SPHK2: variants seen among roughly 807,000 people sequenced by gnomAD.
SPHK2 encodes the protein sphingosine kinase 2.
SPHK2 carries 18 observed loss-of-function variants against 32.3 expected under a neutral mutation model. That is an observed-to-expected ratio of 0.56 (90% confidence interval 0.39 to 0.83). The LOEUF (loss-of-function observed/expected upper bound fraction) is 0.83. Among genes scored for constraint, SPHK2 ranks in the 40% least tolerant of loss-of-function variants. The probability of loss-of-function intolerance (pLI) is 0.00; values close to 1 mark genes in which losing one functional copy is unlikely to be tolerated. For synonymous variants in SPHK2, 462 were observed against 417.6 expected, an observed-to-expected ratio of 1.11 and a Z score of -1.30; for missense variants, 850 against 908.7, an observed-to-expected ratio of 0.94 and a Z score of 0.83.
chr19:48,626,070 CCTGCACATACAGCGGCTGCG>C lies in SPHK2; in HGVS notation c.221_240del (p.Leu74ProfsTer4). The C allele has an allele frequency of 6.2e-7, 1 of 1,613,230 alleles. No individual in the cohort carries two copies. Among genetic ancestry groups the C allele is most frequent in the Non-Finnish European group, 8.5e-7 (1 of 1,179,786 alleles). On this transcript the variant is annotated frameshift_variant, in exon 3 of 7. Coordinates refer to ENST00000245222, the MANE Select transcript of SPHK2 (RefSeq NM_020126.5). LOFTEE classifies it high-confidence loss of function. ...TTGCCCTCACCCTTACATCGCAGGCCCTGCACATACAGCGGCTGCGCCCCAAACCTGAAGCCAGGCCCCGG... is the reference window on the plus strand; with the variant it reads ...TTGCCCTCACCCTTACATCGCAGGCCCCCCAAACCTGAAGCCAGGCCCCGG...
intron 2 of SPHK2, 42 bp from the exon 3 acceptor site, chr19:48,625,848 TG>T: frequency 6.3e-7 from 1 of 1,595,240 alleles, no homozygotes. Context: ...GCCCCTGCCA[TG>T]GGGTCCTGAA....
In SPHK2 at chr19:48,629,834, AGCTAGGGGGTGTGGCCTG is replaced by A. The variant is rs552901962; in HGVS notation, c.*65_*82del. 1 of 1,500,744 alleles carries A rather than the reference AGCTAGGGGGTGTGGCCTG, an allele frequency of 6.7e-7. No homozygotes were observed. Among genetic ancestry groups the A allele is most frequent in the East Asian group, 2.3e-5 (1 of 43,030 alleles). 93.0% of individuals were successfully genotyped at this position (1,500,744 alleles called of 1,614,324 possible). A position where few individuals can be genotyped will look rare whatever the true frequency, so the allele number is the denominator to read the frequency against. On this transcript the variant is annotated 3_prime_UTR_variant, in exon 7 of 7. Transcript: ENST00000245222. ...CTACATTCCAATGGGGCGGAGCCTG[AGCTAGGGGGTGTGGCCTG>A]GCTGCTAGAGTTGTGGTGGCAGGGG...
rs753282111 is a variant in SPHK2 at position 48,629,812 on chromosome 19, C to T, written c.*39C>T. 7.9e-6 allele frequency: 12 copies of T among 1,525,428 alleles called. No homozygotes were observed. The highest frequency in any genetic ancestry group is 1.1e-5 in the Non-Finnish European group (12 of 1,135,348). 94.5% of individuals were successfully genotyped at this position (1,525,428 alleles called of 1,614,324 possible). A position where few individuals can be genotyped will look rare whatever the true frequency, so the allele number is the denominator to read the frequency against. ...TGGTACCCGCCGGGGGCGGGGCCTACATTCCAATGGGGCGGAGCCTGAGCT... is the reference window on the plus strand; with the variant it reads ...TGGTACCCGCCGGGGGCGGGGCCTATATTCCAATGGGGCGGAGCCTGAGCT... On this transcript the variant is annotated 3_prime_UTR_variant, in exon 7 of 7. Coordinates refer to ENST00000245222, the MANE Select transcript of SPHK2 (RefSeq NM_020126.5).
chr19:48,628,972 C>T lies in SPHK2; in HGVS notation c.1164C>T (p.Pro388=). ...CCGCCACTGTGGAACCTGCCTCGCC[C>T]ACCCCTGCCCATAGCCTGCCTCGTG... is the stretch of plus-strand genomic sequence containing the variant. ...YLPATVEPAS[P]TPAHSLPRAK... The change falls in exon 7 of 7, where the codon CCC becomes CCT. Residue 388 remains proline, a synonymous_variant. Transcript: ENST00000245222. The surrounding 1 kb of genome is among the most constrained non-coding windows in gnomAD (Gnocchi z 5.2). 6.2e-7 allele frequency: 1 copy of T among 1,613,804 alleles called. No individual in the cohort carries two copies.
chr19:48,623,680 T>C (rs1042898667), intron 2 of SPHK2: 1 of 152,254 alleles, frequency 6.6e-6, no homozygotes, highest in Admixed American at 6.5e-5. Flanking sequence ...GTTTATCTCA[T>C]GCCGCTTCCA....
Position 48,626,327 on chromosome 19 carries a change from G to A in SPHK2, c.476G>A (p.Cys159Tyr), listed in dbSNP as rs1974622776. The change falls in exon 3 of 7, where the codon TGT becomes TAT. Residue 159 changes from cysteine (C) to tyrosine (Y), a missense_variant. This residue lies in a region of SPHK2 where 544 missense variants were observed against 640.0 expected (regional missense o/e 0.85). Transcript: ENST00000245222. ...CAGCGCTGGGCCACTGCCCTCACCT[G>A]TCTGCTCCGAGGACTGCCACTGCCC... ...EAQRWATALT[C>Y]LLRGLPLPGD... is the part of the protein sequence containing the mutation. 6.3e-7 allele frequency: 1 copy of A among 1,594,882 alleles called. No homozygotes were observed.
intron 2 of SPHK2, chr19:48,625,520 C>G: frequency 8.0e-7 from 1 of 1,245,072 alleles, no homozygotes; most frequent in Non-Finnish European, 1.0e-6. Flanking sequence ...TATCATCACC[C>G]AACCACCTGT....
intron 2 of SPHK2, among the ~76,000 whole-genome samples, chr19:48,623,620 A>G (rs912582467): frequency 6.6e-6 from 1 of 151,714 alleles, no homozygotes; most frequent in African/African-American, 2.4e-5. Flanking sequence ...TACTGTCCCC[A>G]TCTCTCTGTC....
Position 48,629,907 on chromosome 19 carries a change from T to A in SPHK2, c.*134T>A. On this transcript the variant is annotated 3_prime_UTR_variant, in exon 7 of 7. Coordinates refer to ENST00000245222, the MANE Select transcript of SPHK2 (RefSeq NM_020126.5). ...GGCCCCGTCTCAGGATTGCGCTCGC[T>A]TTCATGGGACCAGACGTGATGCTGG... is the stretch of plus-strand genomic sequence containing the variant. The A allele has an allele frequency of 7.0e-7, 1 of 1,436,826 alleles. No homozygotes were observed. The highest frequency in any genetic ancestry group is 1.5e-5 in the South Asian group (1 of 66,050). The allele number at this position is 1,436,826 out of a possible 1,614,324, so 89.0% of individuals were successfully genotyped here. A position where few individuals can be genotyped will look rare whatever the true frequency, so the allele number is the denominator to read the frequency against.
At chr19:48,623,637 T>A (rs1343530996) in intron 2 of SPHK2, among the ~76,000 whole-genome samples, 1 of 152,220 alleles carries the variant, frequency 6.6e-6, no homozygotes. Context: ...TGTCTCTGTC[T>A]TGCCATGTGA....
chr19:48,620,577 G>A (rs747072250), intron 2 of SPHK2, 24 bp downstream of exon 2: 11 of 1,569,270 alleles, frequency 7.0e-6, no homozygotes, highest in Non-Finnish European at 8.7e-6. Flanking sequence ...TAAAAGCCAA[G>A]ATCCTCATAC....
intron 2 of SPHK2, among the ~76,000 whole-genome samples, chr19:48,623,613 T>G (rs1231921280): frequency 6.6e-6 from 1 of 152,214 alleles, no homozygotes; most frequent in South Asian, 2.1e-4. Flanking sequence ...CTAGAGATAC[T>G]GTCCCCATCT....
At chr19:48,621,337 C>T (rs1284991324) in intron 2 of SPHK2, among the ~76,000 whole-genome samples, 2 of 152,178 alleles carry the variant, frequency 1.3e-5, no homozygotes, top group African/African-American at 4.8e-5. Flanking sequence ...CCTCGGCCTC[C>T]CAAAGTGCTG....
chr19:48,625,505 C>T (rs923680433), intron 2 of SPHK2: 2 of 1,227,266 alleles, frequency 1.6e-6, no homozygotes, highest in Non-Finnish European at 2.1e-6. Flanking sequence ...TCCCCCAAAG[C>T]CCGTTATCAT....
At position 48,625,933 on chromosome 19, in the gene SPHK2, A is replaced by C; in HGVS notation, c.82A>C (p.Arg28=). The C allele has an allele frequency of 6.2e-7, 1 of 1,612,048 alleles. No individual in the cohort carries two copies. The highest frequency in any genetic ancestry group is 1.7e-4 in the Middle Eastern group (1 of 6,060). ...GACCGGGAGCTGGGGCCACGGGCCT[A>C]GGAGCACCCTGGTCAGGGCTAAGGC... ...ELTGSWGHGP[R]STLVRAKAMA... Residue 28 remains arginine, a synonymous_variant, in exon 3 of 7, where the codon AGG becomes CGG. Coordinates refer to ENST00000245222, the MANE Select transcript of SPHK2 (RefSeq NM_020126.5).
chr19:48,626,989 C>A (rs2029967044), intron 3 of SPHK2, among the ~76,000 whole-genome samples: 1 of 151,556 alleles, frequency 6.6e-6, no homozygotes, highest in African/African-American at 2.4e-5. Context: ...CAAAAATTAG[C>A]CGGGCATGGT....
rs1272582595 is a variant in SPHK2, at chr19:48,627,706, C to G, written c.526C>G (p.Leu176Val). The G allele has an allele frequency of 3.7e-6, 6 of 1,601,356 alleles. No individual in the cohort carries two copies. The highest frequency in any genetic ancestry group is 2.2e-5 in the East Asian group (1 of 44,872). ...TCTCTCCACAGAGATCACCCCTGAC[C>G]TGCTACCTCGGCCGCCCCGGTTGCT... ...LPGDGEITPDLLPRPPRLLLL... is the reference protein window; with the variant it reads ...LPGDGEITPDVLPRPPRLLLL... Residue 176 changes from leucine to valine, a missense_variant, in exon 4 of 7, where the codon CTG becomes GTG. Coordinates refer to ENST00000245222, the MANE Select transcript of SPHK2 (RefSeq NM_020126.5).
At position 48,625,910 on chromosome 19, in the gene SPHK2, C is replaced by G. The variant is rs893916217; in HGVS notation, c.59C>G (p.Thr20Ser). Residue 20 changes from threonine to serine, a missense_variant, in exon 3 of 7, where the codon ACC (threonine) becomes AGC (serine). Physicochemically the swap from Thr to Ser is moderately conservative, Grantham distance 58. Coordinates refer to ENST00000245222, the MANE Select transcript of SPHK2 (RefSeq NM_020126.5). Reference protein sequence around the residue: ...QQDQRPDQELTGSWGHGPRST... With the variant: ...QQDQRPDQELSGSWGHGPRST... ...CCACAGAGGCCAGACCAGGAGCTGA[C>G]CGGGAGCTGGGGCCACGGGCCTAGG... 6.2e-7 allele frequency: 1 copy of G among 1,611,998 alleles called. No individual in the cohort carries two copies. Among genetic ancestry groups the G allele is most frequent in the Non-Finnish European group, 8.5e-7 (1 of 1,179,546 alleles).
In SPHK2 at chr19:48,628,886, C is replaced by T. The variant is rs199810024; in HGVS notation, c.1078C>T (p.Leu360=). 1.2e-6 allele frequency: 2 copies of T among 1,613,708 alleles called. No homozygotes were observed. Among genetic ancestry groups the T allele is most frequent in the East Asian group, 4.5e-5 (2 of 44,884 alleles). The change falls in exon 7 of 7, where the codon CTG becomes TTG. Residue 360 remains leucine, a synonymous_variant. Transcript: ENST00000245222. The surrounding 1 kb of genome is among the most constrained non-coding windows in gnomAD (Gnocchi z 5.2). ...GGCCTTGGGCAGTGCCCGCTTCACACTGGGCACGGTGCTGGGCCTCGCCAC... is the reference window on the plus strand; with the variant it reads ...GGCCTTGGGCAGTGCCCGCTTCACATTGGGCACGGTGCTGGGCCTCGCCAC... ...FRALGSARFT[L]GTVLGLATLH... is the part of the protein sequence containing the mutation.
Sources: gnomAD v4.1 joint callset for allele counts (sites outside exome capture counted in the v4.1 genomes callset) on GRCh38, gnomAD v4.1.1 for gene constraint, gnomAD v4.1.1 regional missense constraint, Gnocchi (gnomAD v3.1) non-coding constraint, MANE v1.5 for transcripts, NCBI Gene and HGNC (gene_info 2026-07-23, HGNC 2026-07-21) for gene names.